GNA14: variants seen among roughly 807,000 people sequenced by gnomAD.
The protein encoded by GNA14 is G protein subunit alpha 14.
GNA14 carries 50 observed loss-of-function variants against 42.0 expected under a neutral mutation model. That is an observed-to-expected ratio of 1.19 (90% CI 0.95 to 1.51). The LOEUF is 1.51. GNA14 is among the 40% of genes most tolerant of loss of function. GNA14 has a pLI of 0.00. For missense variants in GNA14, 473 were observed against 446.2 expected (o/e 1.06, Z -0.54); for synonymous variants, 173 against 163.1 (o/e 1.06, Z -0.46).
At chr9:77,424,276 G>T (rs768040285) in intron 6 of GNA14, 107 bp from the exon 7 acceptor site, 7 of 698,144 alleles carry the variant, frequency 1.0e-5, no homozygotes, top group Non-Finnish European at 1.6e-5. Context: ...AGGCTGGAGT[G>T]CAGTGGCACG....
chr9:77,503,655 T>TTA (rs971419249), intron 2 of GNA14, among the ~76,000 whole-genome samples: 48 of 146,412 alleles, frequency 3.3e-4, no homozygotes, highest in African/African-American at 1.1e-3. Context: ...ATTTCAGGAT[T>TTA]TTTTTTTTTT....
intron 2 of GNA14, among the ~76,000 whole-genome samples, chr9:77,472,726 T>A (rs1002764475): frequency 1.8e-4 from 27 of 151,554 alleles, no homozygotes; most frequent in African/African-American, 6.3e-4. Context: ...TTAGATGAAG[T>A]CATGAGAGTG....
intron 1 of GNA14, among the ~76,000 whole-genome samples, chr9:77,639,850 C>G (rs1170121912): frequency 6.6e-6 from 1 of 152,236 alleles, no homozygotes; most frequent in Non-Finnish European, 1.5e-5. Flanking sequence ...GCTAATTTAC[C>G]CATCAGCAGA....
At chr9:77,520,277 C>G (rs943033329) in intron 2 of GNA14, among the ~76,000 whole-genome samples, 1 of 152,138 alleles carries the variant, frequency 6.6e-6, no homozygotes, top group Non-Finnish European at 1.5e-5. Flanking sequence ...GAATTTATCT[C>G]TTGGTACATG....
Position 77,469,287 on chromosome 9 carries a change from A to G in GNA14, c.310-34765T>C, listed in dbSNP as rs543000105. Reference sequence around the variant, plus strand: ...GAGGAGGGTGGGGTGAAGAGAGAGAATAAATGAAGTATTGCATTCATATAT... The same window carrying G: ...GAGGAGGGTGGGGTGAAGAGAGAGAGTAAATGAAGTATTGCATTCATATAT... On this transcript the variant is annotated intron_variant, in intron 2 of 6. Transcript: ENST00000341700. Among the ~76,000 whole-genome samples, 3 of 151,814 alleles carry G rather than the reference A, an allele frequency of 2.0e-5. No homozygotes were observed. In the South Asian group the frequency reaches 6.3e-4, roughly 32 times the overall value.
chr9:77,490,932 C>T (rs1004140564), intron 2 of GNA14, among the ~76,000 whole-genome samples: 4 of 152,294 alleles, frequency 2.6e-5, no homozygotes, highest in East Asian at 3.9e-4. Context: ...ACTGCCAGCA[C>T]GCTGTCACGT....
chr9:77,453,378 A>G (rs540359103), intron 2 of GNA14, among the ~76,000 whole-genome samples: 1 of 152,212 alleles, frequency 6.6e-6, no homozygotes, highest in Non-Finnish European at 1.5e-5. Context: ...GCCTGAATAG[A>G]CTAAGACAGA....
chr9:77,646,231 C>G (rs532571463), intron 1 of GNA14, among the ~76,000 whole-genome samples: 1 of 152,210 alleles, frequency 6.6e-6, no homozygotes, highest in African/African-American at 2.4e-5. Flanking sequence ...AGCACTTTTA[C>G]GCCCCAGCAA....
At position 77,429,020 on chromosome 9, in the gene GNA14, C is replaced by A; in HGVS notation, c.610G>T (p.Gly204Cys). The change falls in exon 5 of 7, where the codon GGC becomes TGC. Residue 204 changes from glycine (G) to cysteine (C), a missense_variant. Transcript: ENST00000341700. Reference protein sequence around the residue: ...NIIFRMVDVGGQRSERRKWIH... With the variant: ...NIIFRMVDVGCQRSERRKWIH... ...CACTTCCGTCTTTCCGATCGTTGGC[C>A]ACCAACATCCACCATCCTGTTGTGT... 1.2e-6 allele frequency: 2 copies of A among 1,614,034 alleles called. No individual in the cohort carries two copies. Among genetic ancestry groups the A allele is most frequent in the Non-Finnish European group, 1.7e-6 (2 of 1,179,932 alleles).
intron 1 of GNA14, among the ~76,000 whole-genome samples, chr9:77,636,849 A>C (rs972321130): frequency 6.6e-6 from 1 of 152,256 alleles, no homozygotes; most frequent in Admixed American, 6.5e-5. Context: ...AAACATTCAA[A>C]CCGCAGCACA....
chr9:77,606,190 A>C (rs1823643470), intron 1 of GNA14, among the ~76,000 whole-genome samples: 1 of 152,214 alleles, frequency 6.6e-6, no homozygotes. Context: ...AATTATCAGC[A>C]ATTAAAAGTT....
chr9:77,596,233 TATTGAG>T (rs764118807), intron 1 of GNA14, among the ~76,000 whole-genome samples: 11 of 152,008 alleles, frequency 7.2e-5, no homozygotes, highest in Admixed American at 3.3e-4. Context: ...GAAACGTAAA[TATTGAG>T]ATTAACAAAA....
In GNA14 at chr9:77,595,812, G is replaced by T. The variant is rs530185176; in HGVS notation, c.124+51858C>A. On this transcript the variant is annotated intron_variant, in intron 1 of 6. Transcript: ENST00000341700. ...ATTGTATTCTCTCAAGAGAGAGAGA[G>T]ATAAGACGCACTCAAGGCAGTTAGG... 2.0e-5 allele frequency among the ~76,000 whole-genome samples: 3 copies of T among 151,938 alleles called. No homozygotes were observed. In the South Asian group the frequency reaches 6.2e-4, roughly 32 times the overall value.
At chr9:77,466,093 G>A (rs1283668343) in intron 2 of GNA14, among the ~76,000 whole-genome samples, 1 of 152,170 alleles carries the variant, frequency 6.6e-6, no homozygotes, top group East Asian at 1.9e-4. Context: ...GAATGCATAT[G>A]GCTTTCTTTG....
chr9:77,443,806 C>T (rs1835772442), intron 2 of GNA14, among the ~76,000 whole-genome samples: 1 of 152,156 alleles, frequency 6.6e-6, no homozygotes, highest in South Asian at 2.1e-4. Flanking sequence ...AGACCCACAT[C>T]TCTAAAAATA....
chr9:77,423,936 C>A lies in GNA14; in HGVS notation c.*43G>T. On this transcript the variant is annotated 3_prime_UTR_variant, in exon 7 of 7. Transcript: ENST00000341700. ...ACTTGCAAATAAAACAAGGAGTTTG[C>A]AAATCACATCTTCTGTTATAGGGGA... is the stretch of plus-strand genomic sequence containing the variant. 2.1e-6 allele frequency: 3 copies of A among 1,415,900 alleles called. No homozygotes were observed. The highest frequency in any genetic ancestry group is 2.9e-6 in the Non-Finnish European group (3 of 1,043,354). 87.7% of individuals were successfully genotyped at this position (1,415,900 alleles called of 1,614,324 possible). A position where few individuals can be genotyped will look rare whatever the true frequency, so the allele number is the denominator to read the frequency against.
intron 1 of GNA14, among the ~76,000 whole-genome samples, chr9:77,614,571 T>C (rs1476877378): frequency 1.3e-5 from 2 of 152,206 alleles, no homozygotes; most frequent in Non-Finnish European, 2.9e-5. Flanking sequence ...AGATGGATTC[T>C]TCGTTTTCAC....
intron 1 of GNA14, among the ~76,000 whole-genome samples, chr9:77,573,635 C>T (rs563492803): frequency 5.2e-4 from 79 of 152,214 alleles, no homozygotes; most frequent in Middle Eastern, 6.8e-3. Context: ...ATGAGCAATA[C>T]ACTGAGGGGA....
At position 77,573,206 on chromosome 9, in the gene GNA14, T is replaced by A. The variant is rs189534608; in HGVS notation, c.125-43953A>T. Among the ~76,000 whole-genome samples, 374 of 152,240 alleles carry A rather than the reference T, an allele frequency of 2.5e-3. 11 individuals carry two copies. The highest frequency in any genetic ancestry group is 0.022 in the Admixed American group (331 of 15,288). ...GCTCACGCGTGTAATCCTAACACTC[T>A]GGGAGGCTGAGGCAGGTGGATCACC... On this transcript the variant is annotated intron_variant, in intron 1 of 6. Coordinates refer to ENST00000341700, the MANE Select transcript of GNA14 (RefSeq NM_004297.4).
Sources: gnomAD v4.1 joint callset for allele counts (sites outside exome capture counted in the v4.1 genomes callset) on GRCh38, gnomAD v4.1.1 for gene constraint, MANE v1.5 for transcripts, NCBI Gene and HGNC (gene_info 2026-07-23, HGNC 2026-07-21) for gene names.